The following C2CD3 variants were observed in gnomAD, a reference collection of about 807,000 sequenced individuals.
C2CD3 encodes C2 domain containing 3 centriole elongation regulator.
A neutral mutation model predicts 234.0 loss-of-function variants in C2CD3; 148 were observed. The observed-to-expected ratio is 0.63, with a 90% CI of 0.55 to 0.72. The LOEUF (loss-of-function observed/expected upper bound fraction) is 0.72. Ranked by LOEUF, C2CD3 falls within the 30% of genes least tolerant of loss-of-function variation. C2CD3 has a pLI of 0.00. For missense variants in C2CD3, 2,577 were observed against 2,811.5 expected, an observed-to-expected ratio of 0.92 and a Z score of 1.89; for synonymous variants, 1,000 against 1,035.4, an observed-to-expected ratio of 0.97 and a Z score of 0.66.
chr11:74,035,842 G>A (rs1188271439), intron 30 of C2CD3, among the ~76,000 whole-genome samples: 2 of 151,550 alleles, frequency 1.3e-5, no homozygotes, highest in South Asian at 2.1e-4. Flanking sequence ...TAAACATTAG[G>A]CCCCACAGCT....
intron 20 of C2CD3, among the ~76,000 whole-genome samples, chr11:74,089,693 T>C (rs1955802382): frequency 6.6e-6 from 1 of 152,174 alleles, no homozygotes; most frequent in African/African-American, 2.4e-5. Flanking sequence ...GCTAGAACTA[T>C]GCTAGGAGGT....
At chr11:74,097,735 A>G (rs1956163182) in intron 16 of C2CD3, among the ~76,000 whole-genome samples, 1 of 152,238 alleles carries the variant, frequency 6.6e-6, no homozygotes, top group Non-Finnish European at 1.5e-5. Flanking sequence ...TCTTTTTTAA[A>G]GGCAATTAAG....
In C2CD3 at chr11:74,095,296, A is replaced by G. The variant is rs773927649; in HGVS notation, c.3092T>C (p.Val1031Ala). The G allele has an allele frequency of 6.2e-7, 1 of 1,613,798 alleles. No individual in the cohort carries two copies. Among genetic ancestry groups the G allele is most frequent in the African/African-American group, 1.3e-5 (1 of 74,926 alleles). Residue 1031 changes from valine to alanine, a missense_variant, in exon 17 of 33, where the codon GTC becomes GCC. Val to Ala is a moderately conservative substitution (Grantham distance 64, BLOSUM62 0). Coordinates refer to ENST00000334126, the MANE Select transcript of C2CD3 (RefSeq NM_001286577.2). Reference protein sequence around the residue: ...ATVWGEADCYVQYYFPVQHSQ... With the variant: ...ATVWGEADCYAQYYFPVQHSQ... ...GTGTTGAACTGGAAAGTAGTACTGG[A>G]CATAACAATCTGCTTCTCCCCAGAC...
chr11:74,144,571 C>G (rs1855040151), intron 3 of C2CD3, among the ~76,000 whole-genome samples: 1 of 152,150 alleles, frequency 6.6e-6, no homozygotes, highest in Non-Finnish European at 1.5e-5. Flanking sequence ...CAGTACCCGA[C>G]AGGTTTTTTG....
At chr11:74,103,874 C>A (rs1956416036) in intron 13 of C2CD3, among the ~76,000 whole-genome samples, 1 of 152,084 alleles carries the variant, frequency 6.6e-6, no homozygotes, top group African/African-American at 2.4e-5. Context: ...AGATAGTTCC[C>A]AGAAAAGAAT....
intron 20 of C2CD3, among the ~76,000 whole-genome samples, chr11:74,088,393 G>T (rs1955745616): frequency 6.6e-6 from 1 of 152,194 alleles, no homozygotes; most frequent in Non-Finnish European, 1.5e-5. Flanking sequence ...CTGATTTCTA[G>T]AACAGTTCTG....
chr11:74,113,559 A>C, intron 11 of C2CD3: 1 of 510,058 alleles, frequency 2.0e-6, no homozygotes. Context: ...ATACGCCTGT[A>C]ATCCCAGCTA....
intron 3 of C2CD3, among the ~76,000 whole-genome samples, chr11:74,155,645 G>A (rs1022283447): frequency 2.6e-5 from 4 of 152,026 alleles, no homozygotes; most frequent in African/African-American, 7.3e-5. Flanking sequence ...ATCGCAAAAG[G>A]CCACATATAT....
intron 9 of C2CD3, 107 bp downstream of exon 9, chr11:74,118,121 T>A (rs955437309): frequency 4.2e-6 from 3 of 708,032 alleles, no homozygotes; most frequent in Admixed American, 5.4e-5. Flanking sequence ...TTATTGTAAT[T>A]AATCACTCTG....
rs200832788 is a variant in C2CD3, at chr11:74,100,569, G to A, written c.2688C>T (p.Leu896=). 3.3e-4 allele frequency: 538 copies of A among 1,613,828 alleles called. No individual in the cohort carries two copies. The highest frequency in any genetic ancestry group is 4.2e-4 in the Non-Finnish European group (493 of 1,179,884). ...KVRSPGQDKL[L]GLVKLPLHQF... is the part of the protein sequence containing the mutation. The stretch of plus-strand genomic sequence containing the variant: ...GGTGGAGGGGAAGTTTCACCAGCCC[G>A]AGCAGCTTGTCCTGTCCTGGGCTCC... The change falls in exon 15 of 33, where the codon CTC becomes CTT. Residue 896 remains leucine, a synonymous_variant. Transcript: ENST00000334126.
chr11:74,075,148 A>G (rs554390810), intron 23 of C2CD3, among the ~76,000 whole-genome samples: 17 of 152,310 alleles, frequency 1.1e-4, no homozygotes, highest in African/African-American at 3.6e-4. Flanking sequence ...TCTGATTTAA[A>G]GCCAAAGCCA....
intron 3 of C2CD3, among the ~76,000 whole-genome samples, chr11:74,156,144 C>T (rs1191704017): frequency 6.6e-6 from 1 of 151,952 alleles, no homozygotes; most frequent in Non-Finnish European, 1.5e-5. Flanking sequence ...CATGGTGGTG[C>T]ACGCCTGTAG....
chr11:74,068,825 G>A (rs1954663699), intron 24 of C2CD3, among the ~76,000 whole-genome samples: 3 of 152,064 alleles, frequency 2.0e-5, no homozygotes, highest in South Asian at 2.1e-4. Context: ...TTTTTGAGAC[G>A]GAGTCTCACT....
intron 28 of C2CD3, among the ~76,000 whole-genome samples, chr11:74,043,273 T>G (rs1953163296): frequency 6.6e-6 from 1 of 152,246 alleles, no homozygotes; most frequent in Middle Eastern, 3.2e-3. Context: ...TTCTTTCATT[T>G]AGCATAATGT....
intron 32 of C2CD3, among the ~76,000 whole-genome samples, chr11:74,027,311 T>C (rs1224080773): frequency 6.6e-6 from 1 of 152,232 alleles, no homozygotes; most frequent in African/African-American, 2.4e-5. Flanking sequence ...TTTTGCCATG[T>C]TGGCCAGGCT....
chr11:74,115,854 A>T (rs188885052), intron 9 of C2CD3, among the ~76,000 whole-genome samples: 1 of 152,290 alleles, frequency 6.6e-6, no homozygotes, highest in East Asian at 1.9e-4. Flanking sequence ...CAACAAAGCA[A>T]ACAAAAACAT....
intron 3 of C2CD3, among the ~76,000 whole-genome samples, chr11:74,151,253 A>C (rs1855633280): frequency 6.6e-6 from 1 of 151,924 alleles, no homozygotes; most frequent in African/African-American, 2.4e-5. Flanking sequence ...CTGGCAGCTC[A>C]TGTATTTAGT....
intron 2 of C2CD3, among the ~76,000 whole-genome samples, chr11:74,166,329 A>C (rs868254812): frequency 9.9e-5 from 15 of 150,836 alleles, no homozygotes; most frequent in South Asian, 6.2e-4. Flanking sequence ...AAAAAAAAAA[A>C]AAAAAACCAT....
intron 26 of C2CD3, among the ~76,000 whole-genome samples, chr11:74,053,564 T>C (rs2135434555): frequency 6.6e-6 from 1 of 152,288 alleles, no homozygotes; most frequent in East Asian, 1.9e-4. Flanking sequence ...ACATCCCTCT[T>C]GGGAAGGTTC....
Sources: gnomAD v4.1 joint callset for allele counts (sites outside exome capture counted in the v4.1 genomes callset) on GRCh38, gnomAD v4.1.1 for gene constraint, MANE v1.5 for transcripts, NCBI Gene and HGNC (gene_info 2026-07-23, HGNC 2026-07-21) for gene names.